The following NPR1 variants were observed in gnomAD, a reference collection of about 807,000 sequenced individuals.
NPR1 encodes the protein natriuretic peptide receptor 1, also known as atrial natriuretic peptide receptor 1.
Under a neutral mutation model 116.9 loss-of-function variants are expected in NPR1, and 57 were observed. That is an observed-to-expected ratio of 0.49 (90% CI 0.39 to 0.61). The LOEUF is 0.61. Ranked by LOEUF, NPR1 falls within the 20% of genes least tolerant of loss-of-function variation. NPR1 has a pLI of 0.00. For missense variants in NPR1, 1,096 were observed against 1,409.8 expected (o/e 0.78, Z 3.56); for synonymous variants, 555 against 601.6 (o/e 0.92, Z 1.13).
Position 153,679,230 on chromosome 1 carries a change from T to C in NPR1, c.122T>C (p.Leu41Pro). 1 of 1,524,884 alleles carries C rather than the reference T, an allele frequency of 6.6e-7. No homozygotes were observed. Among genetic ancestry groups the C allele is most frequent in the Non-Finnish European group, 8.8e-7 (1 of 1,140,748 alleles). The allele number at this position is 1,524,884 out of a possible 1,614,324, so 94.5% of individuals were successfully genotyped here. ...GGCAACCTGACGGTAGCCGTGGTAC[T>C]GCCGCTGGCCAATACCTCGTACCCC... is the stretch of plus-strand genomic sequence containing the variant. ...HAGNLTVAVV[L>P]PLANTSYPWS... The change falls in exon 1 of 22, where the codon CTG becomes CCG. Residue 41 changes from leucine to proline, a missense_variant. Coordinates refer to ENST00000368680, the MANE Select transcript of NPR1 (RefSeq NM_000906.4). This position sits in a 1 kb window ranked among gnomAD's most constrained non-coding sequence, Gnocchi z 4.2.
In NPR1 at chr1:153,689,845, C is replaced by A. The variant is rs1301859831; in HGVS notation, c.2797C>A (p.Leu933Ile). ...CGATGCCTACATGGTGGTGTCAGGG[C>A]TCCCTGTGCGGAACGGGCGGCTACA... The part of the protein sequence containing the change: ...IGDAYMVVSG[L>I]PVRNGRLHAC... Residue 933 changes from leucine (L) to isoleucine (I), a missense_variant, in exon 19 of 22, where the codon CTC becomes ATC. Leu to Ile is a conservative substitution (Grantham distance 5). Coordinates refer to ENST00000368680, the MANE Select transcript of NPR1 (RefSeq NM_000906.4). The surrounding 1 kb of genome is among the most constrained non-coding windows in gnomAD (Gnocchi z 5.1). The A allele has an allele frequency of 1.9e-6, 3 of 1,589,110 alleles. No individual in the cohort carries two copies. The highest frequency in any genetic ancestry group is 1.7e-5 in the Admixed American group (1 of 57,994).
rs777898319 is a variant in NPR1, at chr1:153,688,137, T to G, written c.2333T>G (p.Leu778Arg). ...ALQSHLEELGLLMQRCWAEDP... is the reference protein window; with the variant it reads ...ALQSHLEELGRLMQRCWAEDP... Reference sequence around the variant, plus strand: ...CAGAGTCACCTGGAGGAGTTGGGGCTGCTCATGCAGCGGTGCTGGGCTGAG... The same window carrying G: ...CAGAGTCACCTGGAGGAGTTGGGGCGGCTCATGCAGCGGTGCTGGGCTGAG... Residue 778 changes from leucine to arginine, a missense_variant, in exon 15 of 22, where the codon CTG becomes CGG. Leu to Arg is a moderately radical substitution (Grantham distance 102). Coordinates refer to ENST00000368680, the MANE Select transcript of NPR1 (RefSeq NM_000906.4). 1 of 1,613,902 alleles carries G rather than the reference T, an allele frequency of 6.2e-7. No homozygotes were observed. The highest frequency in any genetic ancestry group is 8.5e-7 in the Non-Finnish European group (1 of 1,179,868).
intron 3 of NPR1, 198 bp from the exon 4 acceptor site, chr1:153,681,506 C>T (rs1182226848): frequency 1.5e-6 from 1 of 657,052 alleles, no homozygotes; most frequent in African/African-American, 1.8e-5. Context: ...TACATCCTGC[C>T]CTGTCTACCT....
Position 153,689,608 on chromosome 1 carries a change from C to T in NPR1, c.2757+87C>T, listed in dbSNP as rs1670034299. 2.9e-6 allele frequency: 4 copies of T among 1,385,684 alleles called. No homozygotes were observed. Among genetic ancestry groups the T allele is most frequent in the Non-Finnish European group, 4.1e-6 (4 of 978,526 alleles). The allele number at this position is 1,385,684 out of a possible 1,614,324, so 85.8% of individuals were successfully genotyped here. A position where few individuals can be genotyped will look rare whatever the true frequency, so the allele number is the denominator to read the frequency against. ...AGGGGTAGGCAGAATGATGTGGAGT[C>T]TTAAGAGAGGAGATCGGGGACACGG... On this transcript the variant is annotated intron_variant, in intron 18 of 21. Coordinates refer to ENST00000368680, the MANE Select transcript of NPR1 (RefSeq NM_000906.4). This position sits in a 1 kb window ranked among gnomAD's most constrained non-coding sequence, Gnocchi z 5.1.
intron 3 of NPR1, 147 bp downstream of exon 3, chr1:153,681,440 G>C (rs1263661291): frequency 1.5e-6 from 1 of 648,340 alleles, no homozygotes; most frequent in African/African-American, 1.8e-5. Context: ...GATGGAGGAG[G>C]ACACTGGCAA....
Position 153,689,324 on chromosome 1 carries a change from T to A in NPR1, c.2688+13T>A. On this transcript the variant is annotated intron_variant, in intron 17 of 21. Coordinates refer to ENST00000368680, the MANE Select transcript of NPR1 (RefSeq NM_000906.4). This position sits in a 1 kb window ranked among gnomAD's most constrained non-coding sequence, Gnocchi z 5.1. ...CACACCCATGCAGGTAGGCCAGGGTTCAGCCACAGGTGCCAGGCAAGCTCA... is the reference window on the plus strand; with the variant it reads ...CACACCCATGCAGGTAGGCCAGGGTACAGCCACAGGTGCCAGGCAAGCTCA... 1 of 1,614,190 alleles carries A rather than the reference T, an allele frequency of 6.2e-7. No individual in the cohort carries two copies. The highest frequency in any genetic ancestry group is 8.5e-7 in the Non-Finnish European group (1 of 1,180,032).
intron 2 of NPR1, chr1:153,680,908 C>T (rs780193440): frequency 1.3e-5 from 8 of 607,326 alleles, no homozygotes; most frequent in Non-Finnish European, 2.0e-5. Context: ...TGCCCAGGGG[C>T]GCTTCGCCAC....
At chr1:153,691,326 A>G (rs1478199136) in intron 20 of NPR1, among the ~76,000 whole-genome samples, 1 of 152,160 alleles carries the variant, frequency 6.6e-6, no homozygotes. Flanking sequence ...TTTATCTTCT[A>G]TCCTTCTGCT....
Position 153,691,549 on chromosome 1 carries a change from G to A in NPR1, c.3031+1167G>A, listed in dbSNP as rs1202412746. On this transcript the variant is annotated intron_variant, in intron 20 of 21. Transcript: ENST00000368680. ...ATATTCCCTGGGCACTATTTTGGGG[G>A]CTGTCAGAGTACAGCCCCTTGTTGA... Among the ~76,000 whole-genome samples, 3 of 152,246 alleles carry A rather than the reference G, an allele frequency of 2.0e-5. No individual in the cohort carries two copies. In the East Asian group the frequency reaches 5.8e-4, roughly 29 times the overall value.
intron 20 of NPR1, 35 bp from the exon 21 acceptor site, chr1:153,693,071 A>C: frequency 6.5e-7 from 1 of 1,548,124 alleles, no homozygotes; most frequent in Non-Finnish European, 8.9e-7. Context: ...CCTCTCTCAC[A>C]TTGCTCACCT....
At position 153,689,576 on chromosome 1, in the gene NPR1, A is replaced by G. The variant is rs1317269227; in HGVS notation, c.2757+55A>G. ...CAGACAGACATGGACAAGGTCAGAA[A>G]AAGATGAGGGGTAGGCAGAATGATG... On this transcript the variant is annotated intron_variant, in intron 18 of 21. Coordinates refer to ENST00000368680, the MANE Select transcript of NPR1 (RefSeq NM_000906.4). The surrounding 1 kb of genome is among the most constrained non-coding windows in gnomAD (Gnocchi z 5.1). The G allele has an allele frequency of 2.0e-6, 3 of 1,528,126 alleles. No homozygotes were observed. The highest frequency in any genetic ancestry group is 1.7e-4 in the Middle Eastern group (1 of 5,924). The allele number at this position is 1,528,126 out of a possible 1,614,324, so 94.7% of individuals were successfully genotyped here.
rs1386388730 is a variant in NPR1 at position 153,689,420 on chromosome 1, T to C, written c.2689-33T>C. 6.2e-7 allele frequency: 1 copy of C among 1,613,714 alleles called. No homozygotes were observed. Among genetic ancestry groups the C allele is most frequent in the African/African-American group, 1.3e-5 (1 of 74,918 alleles). On this transcript the variant is annotated intron_variant, in intron 17 of 21. Coordinates refer to ENST00000368680, the MANE Select transcript of NPR1 (RefSeq NM_000906.4). The surrounding 1 kb of genome is among the most constrained non-coding windows in gnomAD (Gnocchi z 5.1). ...CCTGACCCCAGGTGGGGTCCCCTAC[T>C]TCCTGTCTCTCTTAGCTTCTCTTCC...
Position 153,687,271 on chromosome 1 carries a change from TG to T in NPR1, c.2010del (p.Arg671AlafsTer64). On this transcript the variant is annotated frameshift_variant, in exon 13 of 22. Transcript: ENST00000368680. LOFTEE classifies it high-confidence loss of function. ...TCAAGTCATCCAACTGCGTGGTAGA[TG>T]GGCGCTTTGTGCTCAAGATCACCGA... Reference protein sequence around the residue: ...NLKSSNCVVDGRFVLKITDYG... With the variant: ...NLKSSNCVVDXRFVLKITDYG... The T allele has an allele frequency of 6.2e-7, 1 of 1,614,110 alleles. No homozygotes were observed. The highest frequency in any genetic ancestry group is 8.5e-7 in the Non-Finnish European group (1 of 1,179,992).
Position 153,688,056 on chromosome 1 carries a change from T to A in NPR1, c.2252T>A (p.Ile751Asn), listed in dbSNP as rs748314786. 323 of 1,604,206 alleles carry A rather than the reference T, an allele frequency of 2.0e-4. No individual in the cohort carries two copies. Among genetic ancestry groups the A allele is most frequent in the Non-Finnish European group, 2.7e-4 (314 of 1,174,896 alleles). Residue 751 changes from isoleucine to asparagine, a missense_variant, in exon 15 of 22, where the codon ATC becomes AAC. Ile to Asn is a moderately radical substitution (Grantham distance 149, BLOSUM62 -3). Coordinates refer to ENST00000368680, the MANE Select transcript of NPR1 (RefSeq NM_000906.4). Reference protein sequence around the residue: ...VEGLDLSPKEIIERVTRGEQP... With the variant: ...VEGLDLSPKENIERVTRGEQP... Reference sequence around the variant, plus strand: ...CTCCTCTACCCCCCCAATACAGAGATCATCGAGCGGGTGACTCGGGGTGAG... The same window carrying A: ...CTCCTCTACCCCCCCAATACAGAGAACATCGAGCGGGTGACTCGGGGTGAG...
At chr1:153,686,877 G>T in intron 11 of NPR1, 127 bp downstream of exon 11, 1 of 1,253,190 alleles carries the variant, frequency 8.0e-7, no homozygotes, top group Non-Finnish European at 1.1e-6. Flanking sequence ...AAAAATGGGA[G>T]TTGGGGAAGG....
intron 1 of NPR1, among the ~76,000 whole-genome samples, chr1:153,680,068 A>C (rs1266346229): frequency 2.0e-4 from 19 of 94,358 alleles, no homozygotes; most frequent in Admixed American, 4.8e-4. Flanking sequence ...ATTCCCTCCC[A>C]CCCTAGCACA....
chr1:153,690,068 ATCTCTCTCTCTCTCTCTCTCTC>A (rs1189924933), intron 19 of NPR1, 88 bp downstream of exon 19: 14 of 680,308 alleles, frequency 2.1e-5, no homozygotes, highest in Middle Eastern at 4.2e-4. Flanking sequence ...TCGCCCTTTC[ATCTCTCTCTCTCTCTCTCTCTC>A]TCTCTCTCTC....
In NPR1 at chr1:153,693,953, C is replaced by A. The variant is rs1462145499; in HGVS notation, c.*539C>A. ...GGTTGGGGGCCTGTATGCCTTGCTTCTACCATGAGCAGAGACAATTAAAAT... is the reference window on the plus strand; with the variant it reads ...GGTTGGGGGCCTGTATGCCTTGCTTATACCATGAGCAGAGACAATTAAAAT... On this transcript the variant is annotated 3_prime_UTR_variant, in exon 22 of 22. Transcript: ENST00000368680. 6 of 396,618 alleles carry A rather than the reference C, an allele frequency of 1.5e-5. No individual in the cohort carries two copies. The highest frequency in any genetic ancestry group is 2.2e-5 in the Non-Finnish European group (5 of 225,458). 24.6% of individuals were successfully genotyped at this position (396,618 alleles called of 1,614,324 possible). A position where few individuals can be genotyped will look rare whatever the true frequency, so the allele number is the denominator to read the frequency against.
chr1:153,684,386 CT>C (rs58272090), intron 7 of NPR1, among the ~76,000 whole-genome samples: 904 of 89,016 alleles, frequency 0.01, 2 homozygotes, highest in African/African-American at 0.033. Flanking sequence ...TTCTTTCTTT[CT>C]TTTTTTTTTT....
Sources: gnomAD v4.1 joint callset for allele counts (sites outside exome capture counted in the v4.1 genomes callset) on GRCh38, gnomAD v4.1.1 for gene constraint, Gnocchi (gnomAD v3.1) non-coding constraint, MANE v1.5 for transcripts, NCBI Gene and HGNC (gene_info 2026-07-23, HGNC 2026-07-21) for gene names.